The following COL4A2 variants were observed in gnomAD, a reference collection of about 807,000 sequenced individuals.
COL4A2 encodes the protein collagen type IV alpha 2 chain.
Under a neutral mutation model 200.2 loss-of-function variants are expected in COL4A2, and 99 were observed. The ratio of observed to expected loss-of-function variants is 0.49; its 90% CI spans 0.42 to 0.58. The LOEUF (loss-of-function observed/expected upper bound fraction) is 0.58, where lower values mean the gene tolerates loss of function less well. Among genes scored for constraint, COL4A2 ranks in the 20% least tolerant of loss-of-function variants. The pLI is 0.00. For missense variants in COL4A2, 1,950 were observed against 2,314.1 expected, an observed-to-expected ratio of 0.84 and a Z score of 3.23; for synonymous variants, 897 against 900.6, an observed-to-expected ratio of 1.00 and a Z score of 0.07.
chr13:110,428,230 A>G (rs1880540378), intron 6 of COL4A2, among the ~76,000 whole-genome samples: 1 of 152,352 alleles, frequency 6.6e-6, no homozygotes, highest in East Asian at 1.9e-4. Context: ...TGTACTTCTT[A>G]CCCAAGCCCA....
chr13:110,401,267 A>G (rs1321214939), intron 4 of COL4A2, among the ~76,000 whole-genome samples: 1 of 152,208 alleles, frequency 6.6e-6, no homozygotes, highest in Non-Finnish European at 1.5e-5. Context: ...GGTTCCTTGT[A>G]TTGTTAGCAT....
chr13:110,448,948 C>T (rs987926042), intron 18 of COL4A2, among the ~76,000 whole-genome samples: 1 of 152,210 alleles, frequency 6.6e-6, no homozygotes, highest in Non-Finnish European at 1.5e-5. Context: ...GGCTGCGGAG[C>T]GCAGCCCCCT....
intron 4 of COL4A2, among the ~76,000 whole-genome samples, chr13:110,361,929 G>C (rs1367531564): frequency 6.6e-6 from 1 of 152,200 alleles, no homozygotes; most frequent in African/African-American, 2.4e-5. Flanking sequence ...ACTTCAGGAG[G>C]GAAATGGCCT....
At chr13:110,330,164 A>G (rs1875841649) in intron 3 of COL4A2, among the ~76,000 whole-genome samples, 1 of 152,114 alleles carries the variant, frequency 6.6e-6, no homozygotes, top group African/African-American at 2.4e-5. Flanking sequence ...CTGAGAATGG[A>G]CCTTGATTTT....
intron 4 of COL4A2, among the ~76,000 whole-genome samples, chr13:110,360,856 C>A (rs7318486): frequency 0.12 from 18,609 of 151,718 alleles, 1,337 homozygotes; most frequent in Middle Eastern, 0.21. Context: ...GGCCTGAAAT[C>A]TGGCTGTACC....
chr13:110,342,632 T>C lies in COL4A2; in HGVS notation c.100-14840T>C, dbSNP rs1370268181. The stretch of plus-strand genomic sequence containing the variant: ...CCCAGGAGGCAGGAACAGTAGGTTC[T>C]ACCCATTTTTTAAATGAGGACCCTG... On this transcript the variant is annotated intron_variant, in intron 3 of 47. Coordinates refer to ENST00000360467, the MANE Select transcript of COL4A2 (RefSeq NM_001846.4). 3.9e-5 allele frequency among the ~76,000 whole-genome samples: 6 copies of C among 152,202 alleles called. No homozygotes were observed. The East Asian group carries it at 1.2e-3, about 29-fold the overall frequency.
chr13:110,355,138 T>C lies in COL4A2; in HGVS notation c.100-2334T>C, dbSNP rs2139384716. Among the ~76,000 whole-genome samples the C allele has an allele frequency of 1.3e-5, 2 of 152,338 alleles. 1 individual carries two copies. The highest frequency in any genetic ancestry group is 6.8e-3 in the Middle Eastern group (2 of 294). On this transcript the variant is annotated intron_variant, in intron 3 of 47. Coordinates refer to ENST00000360467, the MANE Select transcript of COL4A2 (RefSeq NM_001846.4). ...GGTAAGTTTTACTTGCATGATAAGGTTTCAATCAGTGAACACCAGAAGCCA... is the reference window on the plus strand; with the variant it reads ...GGTAAGTTTTACTTGCATGATAAGGCTTCAATCAGTGAACACCAGAAGCCA...
At chr13:110,497,365 G>T (rs1594109722) in intron 40 of COL4A2, among the ~76,000 whole-genome samples, 1 of 149,738 alleles carries the variant, frequency 6.7e-6, no homozygotes, top group Non-Finnish European at 1.5e-5. Context: ...AGGATTGAGG[G>T]TCTAGGGTCA....
At chr13:110,443,149 T>C (rs1308657051) in intron 16 of COL4A2, among the ~76,000 whole-genome samples, 14 of 152,234 alleles carry the variant, frequency 9.2e-5, no homozygotes, top group Admixed American at 7.8e-4. Flanking sequence ...GAACTCTCAC[T>C]GTCTTTAGTC....
intron 20 of COL4A2, chr13:110,456,332 T>C (rs1385676302): frequency 5.2e-5 from 12 of 229,664 alleles, no homozygotes; most frequent in Non-Finnish European, 8.6e-5. Flanking sequence ...GAGGAAACAG[T>C]GTTCTGGAGG....
chr13:110,462,950 G>A (rs1882092083), intron 24 of COL4A2: 1 of 155,074 alleles, frequency 6.4e-6, no homozygotes, highest in Non-Finnish European at 1.5e-5. Context: ...TTCTCAGAAG[G>A]ACCTTGCAAC....
chr13:110,436,674 G>A (rs1339977895), intron 13 of COL4A2, among the ~76,000 whole-genome samples: 1 of 151,570 alleles, frequency 6.6e-6, no homozygotes, highest in Non-Finnish European at 1.5e-5. Context: ...GAGGCTAATG[G>A]TCATACCGTA....
chr13:110,400,031 A>G (rs1463830439), intron 4 of COL4A2, among the ~76,000 whole-genome samples: 1 of 151,964 alleles, frequency 6.6e-6, no homozygotes, highest in East Asian at 1.9e-4. Flanking sequence ...TAATCAGACA[A>G]ATTCTCCAAA....
At chr13:110,388,488 C>A (rs535668309) in intron 4 of COL4A2, among the ~76,000 whole-genome samples, 5 of 152,362 alleles carry the variant, frequency 3.3e-5, no homozygotes, top group South Asian at 4.1e-4. Flanking sequence ...ATGCTCCAAA[C>A]TGCTGCCCCA....
At chr13:110,474,366 G>A (rs1882596108) in intron 29 of COL4A2, among the ~76,000 whole-genome samples, 1 of 152,204 alleles carries the variant, frequency 6.6e-6, no homozygotes, top group Non-Finnish European at 1.5e-5. Flanking sequence ...TCAGGAGCAT[G>A]AATTGGTTTT....
chr13:110,439,045 G>C (rs1298847079), intron 15 of COL4A2, among the ~76,000 whole-genome samples: 2 of 152,138 alleles, frequency 1.3e-5, no homozygotes, highest in Non-Finnish European at 2.9e-5. Context: ...ATTGATTTCC[G>C]ACTGTCCCAA....
intron 46 of COL4A2, chr13:110,507,584 T>C (rs1201668392): frequency 3.1e-6 from 1 of 325,156 alleles, no homozygotes; most frequent in African/African-American, 2.1e-5. Context: ...GAGCGACCCC[T>C]TGGAGGCCAT....
chr13:110,446,770 A>G, intron 17 of COL4A2, 28 bp from the exon 18 acceptor site: 2 of 1,596,464 alleles, frequency 1.3e-6, no homozygotes, highest in Non-Finnish European at 8.6e-7. Context: ...CTATTCTCAC[A>G]TCCTGTTTTT....
intron 10 of COL4A2, 58 bp downstream of exon 10, chr13:110,430,665 A>G: frequency 6.2e-7 from 1 of 1,608,826 alleles, no homozygotes; most frequent in African/African-American, 1.3e-5. Flanking sequence ...TCCCTTCCAG[A>G]TGCCACTTCT....
Sources: allele counts gnomAD v4.1 joint callset (sites outside exome capture counted in the v4.1 genomes callset), GRCh38; gene constraint gnomAD v4.1.1; transcripts MANE v1.5; gene names NCBI Gene and HGNC (gene_info 2026-07-23, HGNC 2026-07-21).